The following METTL8 variants were observed in gnomAD, a reference collection of about 807,000 sequenced individuals.
METTL8 encodes the protein methyltransferase 8, tRNA N3-cytidine, also known as tRNA N(3)-cytidine methyltransferase METTL8, mitochondrial.
Under a neutral mutation model 48.7 loss-of-function variants are expected in METTL8, and 32 were observed. The ratio of observed to expected loss-of-function variants is 0.66; its 90% CI spans 0.50 to 0.88. METTL8 has a LOEUF of 0.88. Among genes scored for constraint, METTL8 ranks in the 40% least tolerant of loss-of-function variants. The pLI, the probability that METTL8 is intolerant of heterozygous loss-of-function variation, is 0.00. For missense variants in METTL8, 464 were observed against 474.4 expected, an observed-to-expected ratio of 0.98 and a Z score of 0.20; for synonymous variants, 136 against 157.1, an observed-to-expected ratio of 0.87 and a Z score of 1.01.
chr2:171,402,670 G>A (rs781062732), intron 1 of METTL8, among the ~76,000 whole-genome samples: 5 of 151,974 alleles, frequency 3.3e-5, no homozygotes, highest in East Asian at 1.9e-4. Context: ...ATCACATCCC[G>A]GTGGCAACAA....
chr2:171,337,349 G>A, intron 5 of METTL8, 104 bp downstream of exon 5: 4 of 738,194 alleles, frequency 5.4e-6, no homozygotes, highest in Non-Finnish European at 8.6e-6. Context: ...GTTCATATAA[G>A]AATTAGAAAC....
rs572830247 is a variant in METTL8 at position 171,411,421 on chromosome 2, AAC to A, written c.-12-19226_-12-19225del. On this transcript the variant is annotated intron_variant, in intron 1 of 9. Coordinates refer to ENST00000375258, the MANE Select transcript of METTL8 (RefSeq NM_001321154.2). ...GTGTACCTGTCCTTCCAGACATTAC[AAC>A]ACACTGTCAAACAGATAAGTCTTGG... Among the ~76,000 whole-genome samples, 823 of 152,360 alleles carry A rather than the reference AAC, an allele frequency of 5.4e-3. 10 individuals carry two copies. The highest frequency in any genetic ancestry group is 6.1e-3 in the Non-Finnish European group (412 of 68,030).
At chr2:171,418,959 C>G (rs1423453960) in intron 1 of METTL8, among the ~76,000 whole-genome samples, 1 of 151,512 alleles carries the variant, frequency 6.6e-6, no homozygotes, top group Non-Finnish European at 1.5e-5. Context: ...TAAGTATAGT[C>G]CGGTATGAGT....
rs138062256 is a variant in METTL8, at chr2:171,331,542, A to G, written c.720+262T>C. On this transcript the variant is annotated intron_variant, in intron 6 of 9. Coordinates refer to ENST00000375258, the MANE Select transcript of METTL8 (RefSeq NM_001321154.2). ...AGCGATTCTCGTGCCTCAGCCTCCC[A>G]AATAGCTGGAACTACAGGCACGTGC... Among the ~76,000 whole-genome samples, 290 of 151,732 alleles carry G rather than the reference A, an allele frequency of 1.9e-3. 7 individuals are homozygous for G. In the East Asian group the frequency reaches 0.028, roughly 15 times the overall value.
chr2:171,362,756 G>C (rs1056959049), intron 2 of METTL8, among the ~76,000 whole-genome samples: 1 of 151,944 alleles, frequency 6.6e-6, no homozygotes, highest in African/African-American at 2.4e-5. Context: ...TAATAAATGA[G>C]GTTAGAATAG....
intron 6 of METTL8, among the ~76,000 whole-genome samples, chr2:171,331,391 G>A (rs1050383529): frequency 1.3e-5 from 2 of 149,358 alleles, no homozygotes; most frequent in Admixed American, 6.7e-5. Flanking sequence ...TTACAGGCGT[G>A]AGCCACCATG....
intron 1 of METTL8, among the ~76,000 whole-genome samples, chr2:171,409,245 G>T (rs1424489519): frequency 6.6e-6 from 1 of 152,168 alleles, no homozygotes; most frequent in Non-Finnish European, 1.5e-5. Context: ...TCGTAAAATT[G>T]AGAGAATTCT....
At chr2:171,349,785 T>C (rs2105444121) in intron 3 of METTL8, among the ~76,000 whole-genome samples, 1 of 152,244 alleles carries the variant, frequency 6.6e-6, no homozygotes, top group Non-Finnish European at 1.5e-5. Context: ...TTACCAACAA[T>C]ACACAAGGGC....
chr2:171,395,019 G>C (rs1338807511), intron 1 of METTL8, among the ~76,000 whole-genome samples: 1 of 152,176 alleles, frequency 6.6e-6, no homozygotes, highest in African/African-American at 2.4e-5. Flanking sequence ...CCTAAGGTTT[G>C]CTGGTCATGG....
intron 3 of METTL8, among the ~76,000 whole-genome samples, chr2:171,357,260 A>G (rs1228584665): frequency 6.6e-6 from 1 of 152,096 alleles, no homozygotes; most frequent in Non-Finnish European, 1.5e-5. Flanking sequence ...TGCCCAGCCA[A>G]CAATATGATC....
At chr2:171,407,652 C>T (rs890493353) in intron 1 of METTL8, among the ~76,000 whole-genome samples, 16 of 152,214 alleles carry the variant, frequency 1.1e-4, no homozygotes, top group Non-Finnish European at 1.5e-5. Context: ...TCTTCAGGAA[C>T]AGTCCCCCAC....
At chr2:171,399,885 T>G (rs1689475319) in intron 1 of METTL8, among the ~76,000 whole-genome samples, 1 of 152,072 alleles carries the variant, frequency 6.6e-6, no homozygotes, top group Non-Finnish European at 1.5e-5. Context: ...ATGCCTGTAA[T>G]CCCAGCACTT....
intron 2 of METTL8, among the ~76,000 whole-genome samples, chr2:171,388,040 T>C (rs1287381296): frequency 6.6e-6 from 1 of 152,226 alleles, no homozygotes. Context: ...CAAAGCCTAT[T>C]ATTCAAAATG....
Position 171,320,317 on chromosome 2 carries a change from T to C in METTL8, c.*3855A>G, listed in dbSNP as rs1214277975. ...TGGACAGAGCCCAAAAGAGACCAGT[T>C]TGTGTCTCACAGTCCAAATTTGGTT... On this transcript the variant is annotated 3_prime_UTR_variant, in exon 10 of 10. Coordinates refer to ENST00000375258, the MANE Select transcript of METTL8 (RefSeq NM_001321154.2). 1 of 152,136 alleles carries C rather than the reference T, an allele frequency of 6.6e-6. No homozygotes were observed. The highest frequency in any genetic ancestry group is 1.5e-5 in the Non-Finnish European group (1 of 68,022). 9.4% of individuals were successfully genotyped at this position (152,136 alleles called of 1,614,324 possible). A position where few individuals can be genotyped will look rare whatever the true frequency, so the allele number is the denominator to read the frequency against.
At chr2:171,334,760 C>T (rs1685908086) in intron 5 of METTL8, among the ~76,000 whole-genome samples, 1 of 152,030 alleles carries the variant, frequency 6.6e-6, no homozygotes, top group Admixed American at 6.6e-5. Flanking sequence ...AGTGAGGAAC[C>T]AAGAGCTTGC....
chr2:171,349,218 G>A (rs1243596973), intron 3 of METTL8, among the ~76,000 whole-genome samples: 3 of 152,248 alleles, frequency 2.0e-5, no homozygotes, highest in East Asian at 1.9e-4. Flanking sequence ...AATTACAACT[G>A]CTTAAAATTA....
At chr2:171,351,679 A>G (rs1683944467) in intron 3 of METTL8, among the ~76,000 whole-genome samples, 1 of 152,140 alleles carries the variant, frequency 6.6e-6, no homozygotes, top group Admixed American at 6.5e-5. Context: ...GGTCCTTCAC[A>G]TCCCTTGTAA....
chr2:171,352,155 G>A (rs1684006416), intron 3 of METTL8, among the ~76,000 whole-genome samples: 1 of 152,194 alleles, frequency 6.6e-6, no homozygotes, highest in African/African-American at 2.4e-5. Flanking sequence ...TTTATTGAGA[G>A]TTGTTTTAGC....
chr2:171,328,470 A>C (rs1346724877), intron 7 of METTL8, among the ~76,000 whole-genome samples: 2 of 152,104 alleles, frequency 1.3e-5, no homozygotes, highest in East Asian at 1.9e-4. Flanking sequence ...TGAATCTACT[A>C]CTATAGTCCT....
Sources: allele counts gnomAD v4.1 joint callset (sites outside exome capture counted in the v4.1 genomes callset), GRCh38; gene constraint gnomAD v4.1.1; transcripts MANE v1.5; gene names NCBI Gene and HGNC (gene_info 2026-07-23, HGNC 2026-07-21).